CPNE8: variants seen among roughly 807,000 people sequenced by gnomAD.
CPNE8 encodes the protein copine 8.
CPNE8 carries 45 observed loss-of-function variants against 81.5 expected under a neutral mutation model. That is an observed-to-expected ratio of 0.55 (90% CI 0.44 to 0.71). The LOEUF (loss-of-function observed/expected upper bound fraction) is 0.71, where lower values mean the gene tolerates loss of function less well. CPNE8 is among the 30% of genes least tolerant of loss of function. CPNE8 has a pLI of 0.00. For missense variants in CPNE8, 594 were observed against 672.1 expected (o/e 0.88, Z 1.28); for synonymous variants, 252 against 226.3 (o/e 1.11, Z -1.02).
intron 10 of CPNE8, among the ~76,000 whole-genome samples, chr12:38,754,941 T>C (rs1300712463): frequency 6.7e-6 from 1 of 148,842 alleles, no homozygotes. Context: ...TTCCACAGAG[T>C]AAGTGAGGAA....
chr12:38,713,865 G>A (rs1940321777), intron 13 of CPNE8, among the ~76,000 whole-genome samples: 1 of 152,100 alleles, frequency 6.6e-6, no homozygotes, highest in African/African-American at 2.4e-5. Flanking sequence ...AGACCTCCAA[G>A]TTTCTAACAC....
intron 15 of CPNE8, among the ~76,000 whole-genome samples, chr12:38,691,200 C>G (rs1397139014): frequency 6.6e-6 from 1 of 152,090 alleles, no homozygotes; most frequent in African/African-American, 2.4e-5. Context: ...TAGTTAAGAG[C>G]ATGAATTCTA....
At chr12:38,661,619 A>C (rs1442258795) in intron 19 of CPNE8, among the ~76,000 whole-genome samples, 1 of 152,030 alleles carries the variant, frequency 6.6e-6, no homozygotes, top group Non-Finnish European at 1.5e-5. Context: ...AAATAAATAA[A>C]ATTGAAGGGG....
chr12:38,735,321 C>T (rs1005427573), intron 10 of CPNE8, among the ~76,000 whole-genome samples: 2 of 151,980 alleles, frequency 1.3e-5, no homozygotes, highest in Non-Finnish European at 2.9e-5. Flanking sequence ...GGGTTGCAGA[C>T]ATTTTTACTG....
intron 15 of CPNE8, among the ~76,000 whole-genome samples, chr12:38,687,183 C>A (rs923781953): frequency 6.6e-6 from 1 of 151,810 alleles, no homozygotes; most frequent in Non-Finnish European, 1.5e-5. Flanking sequence ...ATATAACTTC[C>A]ATAACTTTAA....
At chr12:38,812,483 G>GCC (rs1207568493) in intron 6 of CPNE8, among the ~76,000 whole-genome samples, 2 of 152,072 alleles carry the variant, frequency 1.3e-5, no homozygotes, top group African/African-American at 2.4e-5. Flanking sequence ...AAAAGGAAAA[G>GCC]CCCCTTATAA....
At chr12:38,780,998 T>C (rs1021326610) in intron 6 of CPNE8, among the ~76,000 whole-genome samples, 4 of 151,926 alleles carry the variant, frequency 2.6e-5, no homozygotes, top group Admixed American at 6.6e-5. Flanking sequence ...CAAATACAAA[T>C]GAATATGATA....
intron 13 of CPNE8, among the ~76,000 whole-genome samples, chr12:38,713,395 A>C (rs779754607): frequency 3.3e-5 from 5 of 152,148 alleles, no homozygotes; most frequent in Non-Finnish European, 7.4e-5. Flanking sequence ...TATAGAGTTC[A>C]GCTGAGACAA....
At position 38,767,694 on chromosome 12, in the gene CPNE8, C is replaced by T. The variant is rs765053398; in HGVS notation, c.516G>A (p.Lys172=). ...AAGGATCTGATTTTCCAAAGAAGTC[C>T]TTCTTGTCCAATTTGTTCGCACAAA... The part of the protein sequence containing the change: ...MQFCANKLDK[K]DFFGKSDPFL... The change falls in exon 8 of 20, where the codon AAG becomes AAA. Residue 172 remains lysine, a synonymous_variant. Transcript: ENST00000331366. 15 of 1,558,876 alleles carry T rather than the reference C, an allele frequency of 9.6e-6. No individual in the cohort carries two copies. Among genetic ancestry groups the T allele is most frequent in the Non-Finnish European group, 8.6e-7 (1 of 1,159,244 alleles).
chr12:38,662,008 C>A lies in CPNE8; in HGVS notation c.1507-7938G>T, dbSNP rs148336874. ...AATTAGGTATAGAAGGAAAATACCTCAACACAATAAAGGCCAATATGACAA... is the reference window on the plus strand; with the variant it reads ...AATTAGGTATAGAAGGAAAATACCTAAACACAATAAAGGCCAATATGACAA... On this transcript the variant is annotated intron_variant, in intron 19 of 19. Coordinates refer to ENST00000331366, the MANE Select transcript of CPNE8 (RefSeq NM_153634.3). 4.7e-3 allele frequency among the ~76,000 whole-genome samples: 714 copies of A among 152,044 alleles called. 4 individuals carry two copies. The highest frequency in any genetic ancestry group is 0.016 in the African/African-American group (663 of 41,464).
chr12:38,760,785 T>A, intron 10 of CPNE8, 62 bp downstream of exon 10: 2 of 1,275,430 alleles, frequency 1.6e-6, no homozygotes. Flanking sequence ...TGTGGTCATT[T>A]CAATGTATGT....
rs751138045 is a variant in CPNE8, at chr12:38,654,062, T to C, written c.1515A>G (p.Pro505=). ...CACTTCTGTCAATATAATCCCTGAA[T>C]GGCACAAACTAAAACAGAGACGAAA... is the stretch of plus-strand genomic sequence containing the variant. ...YAERDIVQFV[P]FRDYIDRSGN... is the part of the protein sequence containing the mutation. The change falls in exon 20 of 20, where the codon CCA becomes CCG. Residue 505 remains proline, a synonymous_variant. Coordinates refer to ENST00000331366, the MANE Select transcript of CPNE8 (RefSeq NM_153634.3). 170 of 1,598,772 alleles carry C rather than the reference T, an allele frequency of 1.1e-4. No homozygotes were observed. Among genetic ancestry groups the C allele is most frequent in the Non-Finnish European group, 1.4e-4 (165 of 1,172,872 alleles).
At chr12:38,740,569 T>G (rs1941074688) in intron 10 of CPNE8, among the ~76,000 whole-genome samples, 1 of 152,204 alleles carries the variant, frequency 6.6e-6, no homozygotes, top group African/African-American at 2.4e-5. Flanking sequence ...ATACGTCCCA[T>G]CAATACCTAA....
At chr12:38,700,507 G>C (rs1565573457) in intron 14 of CPNE8, among the ~76,000 whole-genome samples, 1 of 151,488 alleles carries the variant, frequency 6.6e-6, no homozygotes, top group Non-Finnish European at 1.5e-5. Flanking sequence ...ATACAGGCGT[G>C]AGCCACTGAG....
chr12:38,755,677 A>G (rs918797929), intron 10 of CPNE8, among the ~76,000 whole-genome samples: 2 of 152,158 alleles, frequency 1.3e-5, no homozygotes, highest in African/African-American at 4.8e-5. Flanking sequence ...ATACATTTCA[A>G]CTGATTATTA....
chr12:38,816,246 G>A (rs577064458), intron 6 of CPNE8, among the ~76,000 whole-genome samples: 1 of 152,246 alleles, frequency 6.6e-6, no homozygotes, highest in African/African-American at 2.4e-5. Flanking sequence ...ACATATAAAT[G>A]TGACTATTAT....
chr12:38,711,657 C>T (rs925688077), intron 13 of CPNE8, among the ~76,000 whole-genome samples: 11 of 152,022 alleles, frequency 7.2e-5, no homozygotes, highest in Middle Eastern at 3.4e-3. Context: ...GTAGTAGAGA[C>T]GGAGTTTCAC....
intron 6 of CPNE8, among the ~76,000 whole-genome samples, chr12:38,807,847 T>C (rs1171668320): frequency 1.3e-5 from 2 of 151,934 alleles, no homozygotes; most frequent in Non-Finnish European, 2.9e-5. Flanking sequence ...TTTCGCAACC[T>C]ACTCATCTGA....
chr12:38,796,021 G>C (rs1485001974), intron 6 of CPNE8, among the ~76,000 whole-genome samples: 1 of 152,170 alleles, frequency 6.6e-6, no homozygotes, highest in African/African-American at 2.4e-5. Context: ...AGCACTTTGA[G>C]AGGCCGAGGC....
Sources: gnomAD v4.1 joint callset for allele counts (sites outside exome capture counted in the v4.1 genomes callset) on GRCh38, gnomAD v4.1.1 for gene constraint, MANE v1.5 for transcripts, NCBI Gene and HGNC (gene_info 2026-07-23, HGNC 2026-07-21) for gene names.